SAMD12: variants seen among roughly 807,000 people sequenced by gnomAD.
SAMD12 encodes sterile alpha motif domain-containing protein 12.
A neutral mutation model predicts 15.0 loss-of-function variants in SAMD12; 9 were observed. The observed-to-expected ratio is 0.60, with a 90% CI of 0.36 to 1.05. The LOEUF (loss-of-function observed/expected upper bound fraction) is 1.05, where lower values mean the gene tolerates loss of function less well. Ranked by LOEUF, SAMD12 falls within the 50% of genes least tolerant of loss-of-function variation. SAMD12 has a pLI of 0.01. For missense variants in SAMD12, 230 were observed against 234.2 expected (o/e 0.98, Z 0.12); for synonymous variants, 86 against 90.1 (o/e 0.96, Z 0.25).
intron 4 of SAMD12, among the ~76,000 whole-genome samples, chr8:118,308,072 C>T (rs189957212): frequency 1.4e-3 from 218 of 152,332 alleles, no homozygotes; most frequent in Middle Eastern, 0.014. Context: ...ACTGGTAATT[C>T]CTGTTTTCCT....
intron 4 of SAMD12, among the ~76,000 whole-genome samples, chr8:118,302,078 G>GTT (rs58076997): frequency 0.053 from 3,930 of 74,550 alleles, 379 homozygotes; most frequent in Non-Finnish European, 0.065. Context: ...ATCTTTGAGA[G>GTT]TTTTTTTTTT....
At chr8:118,538,789 G>A (rs370336653) in intron 2 of SAMD12, among the ~76,000 whole-genome samples, 4 of 152,194 alleles carry the variant, frequency 2.6e-5, no homozygotes, top group African/African-American at 9.6e-5. Context: ...TTAATTAGGT[G>A]TTCCTGCAGG....
chr8:118,321,170 T>A (rs1237518534), intron 4 of SAMD12, among the ~76,000 whole-genome samples: 1 of 108,170 alleles, frequency 9.2e-6, no homozygotes, highest in African/African-American at 3.4e-5. Flanking sequence ...TATATATATA[T>A]ATATATATAT....
At chr8:118,479,270 C>G (rs1237780426) in intron 2 of SAMD12, among the ~76,000 whole-genome samples, 7 of 152,086 alleles carry the variant, frequency 4.6e-5, no homozygotes, top group Admixed American at 4.6e-4. Context: ...CCCCCCACAC[C>G]TGGATCACTG....
At chr8:118,191,791 TATATATATATATATATATATAGAGAG>T (rs1383995431) in exon 5 of SAMD12, 6 of 55,522 alleles carry the variant, frequency 1.1e-4, no homozygotes, top group African/African-American at 1.5e-4. Flanking sequence ...TATATATATA[TATATATATATATATATATATAGAGAG>T]AGAGAGAGAG....
intron 4 of SAMD12, among the ~76,000 whole-genome samples, chr8:118,307,209 T>C (rs1815395633): frequency 6.6e-6 from 1 of 152,210 alleles, no homozygotes; most frequent in Non-Finnish European, 1.5e-5. Context: ...CAAGCATACA[T>C]AAATCTCACC....
chr8:118,538,196 T>G (rs199650439), intron 2 of SAMD12, among the ~76,000 whole-genome samples: 1 of 151,420 alleles, frequency 6.6e-6, no homozygotes, highest in Non-Finnish European at 1.5e-5. Flanking sequence ...CTGTCTCTCT[T>G]TCTCTCTCTC....
intron 2 of SAMD12, among the ~76,000 whole-genome samples, chr8:118,467,099 T>A (rs1823616669): frequency 6.6e-6 from 1 of 152,196 alleles, no homozygotes; most frequent in South Asian, 2.1e-4. Context: ...GACTGCATTT[T>A]CTTGAGTATC....
intron 3 of SAMD12, among the ~76,000 whole-genome samples, chr8:118,415,450 T>TGG (rs1197987836): frequency 9.1e-6 from 1 of 110,266 alleles, no homozygotes; most frequent in Non-Finnish European, 1.9e-5. Context: ...TGTCCTAAGG[T>TGG]GTGTGTGTGT....
chr8:118,427,646 G>A (rs992014622), intron 3 of SAMD12, among the ~76,000 whole-genome samples: 1 of 152,180 alleles, frequency 6.6e-6, no homozygotes, highest in Non-Finnish European at 1.5e-5. Flanking sequence ...TTATAGTTGA[G>A]TAGAGGTTTT....
intron 4 of SAMD12, among the ~76,000 whole-genome samples, chr8:118,212,062 T>TGTA (rs1563697315): frequency 6.6e-6 from 1 of 150,740 alleles, no homozygotes; most frequent in Non-Finnish European, 1.5e-5. Flanking sequence ...GTTGCAGATT[T>TGTA]TGTGTGTGTG....
At chr8:118,482,805 C>T (rs913070627) in intron 2 of SAMD12, among the ~76,000 whole-genome samples, 2 of 152,142 alleles carry the variant, frequency 1.3e-5, no homozygotes, top group African/African-American at 4.8e-5. Context: ...GGTCACCTCA[C>T]CCTATAATGA....
intron 2 of SAMD12, among the ~76,000 whole-genome samples, chr8:118,558,634 C>T (rs958498140): frequency 2.0e-5 from 3 of 152,208 alleles, no homozygotes; most frequent in East Asian, 1.9e-4. Context: ...TCCTGGCTCA[C>T]GGCAAGCTCC....
intron 4 of SAMD12, among the ~76,000 whole-genome samples, chr8:118,225,680 C>A (rs557032480): frequency 1.7e-4 from 26 of 152,118 alleles, no homozygotes; most frequent in Non-Finnish European, 2.9e-4. Context: ...TTATCAAGGG[C>A]CTTCTAAAGA....
chr8:118,573,000 T>C (rs935347271), intron 2 of SAMD12, among the ~76,000 whole-genome samples: 4 of 152,208 alleles, frequency 2.6e-5, no homozygotes, highest in Admixed American at 1.3e-4. Context: ...TTTCCCCTTC[T>C]GGCATTCATT....
chr8:118,431,594 G>A lies in SAMD12; in HGVS notation c.322+8238C>T, dbSNP rs182508963. ...TGCTTAAGAGGTTCTCATTAGAAGT[G>A]TCCTGGAATTCTTATCTTTTCTCTG... On this transcript the variant is annotated intron_variant, in intron 3 of 3. Coordinates refer to ENST00000314727, the MANE Select transcript of SAMD12 (RefSeq NM_207506.3). 3.6e-3 allele frequency among the ~76,000 whole-genome samples: 552 copies of A among 151,714 alleles called. 3 individuals carry two copies. The highest frequency in any genetic ancestry group is 0.027 in the Middle Eastern group (8 of 294).
At chr8:118,603,235 A>G (rs1413033298) in intron 1 of SAMD12, among the ~76,000 whole-genome samples, 1 of 152,188 alleles carries the variant, frequency 6.6e-6, no homozygotes, top group Non-Finnish European at 1.5e-5. Context: ...TCAAAAAACA[A>G]TCCCAGAAAT....
At chr8:118,320,252 C>T (rs1816161048) in intron 4 of SAMD12, among the ~76,000 whole-genome samples, 1 of 152,108 alleles carries the variant, frequency 6.6e-6, no homozygotes, top group African/African-American at 2.4e-5. Context: ...AGTCCAAAAA[C>T]ATCAGACTGT....
intron 2 of SAMD12, among the ~76,000 whole-genome samples, chr8:118,564,199 C>T (rs1048801102): frequency 3.9e-5 from 6 of 151,936 alleles, no homozygotes; most frequent in East Asian, 1.9e-4. Context: ...CCTCACCCCC[C>T]GCCACCTGCC....
Sources: allele counts gnomAD v4.1 joint callset (sites outside exome capture counted in the v4.1 genomes callset), GRCh38; gene constraint gnomAD v4.1.1; transcripts MANE v1.5; gene names NCBI Gene and HGNC (gene_info 2026-07-23, HGNC 2026-07-21).